The following PSAP variants were observed in gnomAD, a reference collection of about 807,000 sequenced individuals.
The protein encoded by PSAP is prosaposin.
A neutral mutation model predicts 66.0 loss-of-function variants in PSAP; 25 were observed. The ratio of observed to expected loss-of-function variants is 0.38; its 90% CI spans 0.28 to 0.53. The LOEUF is 0.53. PSAP is among the 20% of genes least tolerant of loss of function. PSAP has a pLI of 0.83. For synonymous variants in PSAP, 273 were observed against 258.9 expected (o/e 1.05, Z -0.52); for missense variants, 649 against 668.8 (o/e 0.97, Z 0.33).
chr10:71,837,468 G>C (rs1342492929), intron 1 of PSAP, among the ~76,000 whole-genome samples: 1 of 152,182 alleles, frequency 6.6e-6, no homozygotes, highest in Non-Finnish European at 1.5e-5. Context: ...ATTTCTCCTA[G>C]CACTTGAGGA....
chr10:71,819,432 T>C, intron 11 of PSAP, 33 bp downstream of exon 11: 2 of 1,612,976 alleles, frequency 1.2e-6, no homozygotes, highest in South Asian at 1.1e-5. Context: ...GGTTCTGCCA[T>C]GCTGGCCTAC....
intron 10 of PSAP, 33 bp from the exon 11 acceptor site, chr10:71,819,655 A>AG: frequency 6.2e-7 from 1 of 1,614,092 alleles, no homozygotes; most frequent in East Asian, 2.2e-5. Context: ...CAACGCTGGC[A>AG]GGGCCCTCCC....
Position 71,819,570 on chromosome 10 carries a change from C to A in PSAP, c.1245G>T (p.Leu415=). ...DGGFCEVCKK[L]VGYLDRNLEK... Reference sequence around the variant, plus strand: ...CCAGGTTGCGATCCAAATAACCCACCAGCTTCTTGCACACTTCGCAGAAGC... The same window carrying A: ...CCAGGTTGCGATCCAAATAACCCACAAGCTTCTTGCACACTTCGCAGAAGC... Residue 415 remains leucine, a synonymous_variant, in exon 11 of 14, where the codon CTG becomes CTT. Coordinates refer to ENST00000394936, the MANE Select transcript of PSAP (RefSeq NM_002778.4). The A allele has an allele frequency of 6.2e-7, 1 of 1,614,240 alleles. No homozygotes were observed. The highest frequency in any genetic ancestry group is 1.7e-5 in the Admixed American group (1 of 60,028).
At chr10:71,847,590 TCA>T (rs1842845012) in intron 1 of PSAP, among the ~76,000 whole-genome samples, 1 of 151,238 alleles carries the variant, frequency 6.6e-6, no homozygotes, top group South Asian at 2.1e-4. Context: ...TGCCTCTCTC[TCA>T]CAAGAGAGAG....
chr10:71,831,063 G>T (rs1275335456), intron 4 of PSAP, 63 bp downstream of exon 4: 11 of 1,606,318 alleles, frequency 6.8e-6, no homozygotes, highest in Non-Finnish European at 8.5e-6. Flanking sequence ...ATCTACTCTG[G>T]GCCACTGCCT....
chr10:71,820,976 T>C (rs767500925), intron 8 of PSAP, among the ~76,000 whole-genome samples: 45 of 152,260 alleles, frequency 3.0e-4, no homozygotes, highest in African/African-American at 8.0e-4. Context: ...TTTTGCTCCA[T>C]GGTATTTCAT....
At chr10:71,825,190 G>T (rs922434447) in intron 7 of PSAP, among the ~76,000 whole-genome samples, 1 of 152,220 alleles carries the variant, frequency 6.6e-6, no homozygotes, top group Non-Finnish European at 1.5e-5. Flanking sequence ...ATCTCAAGTA[G>T]TCAGAAAGCA....
chr10:71,845,153 G>C (rs528528280), intron 1 of PSAP, among the ~76,000 whole-genome samples: 6 of 152,176 alleles, frequency 3.9e-5, no homozygotes, highest in African/African-American at 1.4e-4. Context: ...GGCAACCCCT[G>C]AGGGTCTTGG....
At position 71,819,829 on chromosome 10, in the gene PSAP, C is replaced by T. The variant is rs2133031778; in HGVS notation, c.1077G>A (p.Glu359=). 7.4e-6 allele frequency: 12 copies of T among 1,614,118 alleles called. No homozygotes were observed. The highest frequency in any genetic ancestry group is 1.0e-5 in the Non-Finnish European group (12 of 1,180,008). Residue 359 remains glutamate (E), a synonymous_variant, in exon 10 of 14, where the codon GAG becomes GAA. Coordinates refer to ENST00000394936, the MANE Select transcript of PSAP (RefSeq NM_002778.4). ...LPKSLSEECQ[E]VVDTYGSSIL... The stretch of plus-strand genomic sequence containing the variant: ...TGGAGCTGCCGTACGTGTCCACCAC[C>T]TCCTGGCACTCTTCCGACAGGGACT...
intron 2 of PSAP, 94 bp downstream of exon 2, chr10:71,834,276 GAA>G: frequency 6.3e-7 from 1 of 1,588,838 alleles, no homozygotes; most frequent in East Asian, 2.2e-5. Flanking sequence ...AACAAGGCAA[GAA>G]AAAGTGCTCT....
At chr10:71,824,035 G>A (rs1842353562) in intron 7 of PSAP, 2 of 588,228 alleles carry the variant, frequency 3.4e-6, no homozygotes, top group African/African-American at 1.9e-5. Flanking sequence ...AAATGCTCTT[G>A]CAATCAGATC....
Position 71,816,576 on chromosome 10 carries a change from C to A in PSAP, c.*865G>T, listed in dbSNP as rs916904421. 2 of 433,478 alleles carry A rather than the reference C, an allele frequency of 4.6e-6. No individual in the cohort carries two copies. The highest frequency in any genetic ancestry group is 3.2e-5 in the South Asian group (2 of 62,056). 26.9% of individuals were successfully genotyped at this position (433,478 alleles called of 1,614,324 possible). A position where few individuals can be genotyped will look rare whatever the true frequency, so the allele number is the denominator to read the frequency against. On this transcript the variant is annotated 3_prime_UTR_variant, in exon 14 of 14. Transcript: ENST00000394936. Reference sequence around the variant, plus strand: ...GCCATCCATATTTATTTGAAAAGGTCAAAAGGAGCATCTATGAGACAAGGG... The same window carrying A: ...GCCATCCATATTTATTTGAAAAGGTAAAAAGGAGCATCTATGAGACAAGGG...
At chr10:71,851,061 C>A (rs780798524) in intron 1 of PSAP, 121 bp downstream of exon 1, 1 of 1,189,318 alleles carries the variant, frequency 8.4e-7, no homozygotes. Context: ...CTGCGCAGTG[C>A]GCGCGCCCCC....
At chr10:71,845,463 A>C (rs1030462393) in intron 1 of PSAP, among the ~76,000 whole-genome samples, 4 of 152,192 alleles carry the variant, frequency 2.6e-5, no homozygotes, top group African/African-American at 9.7e-5. Context: ...CAGTCAGTAG[A>C]ATATACTACT....
At chr10:71,818,940 C>T in intron 12 of PSAP, 91 bp downstream of exon 12, 1 of 1,262,786 alleles carries the variant, frequency 7.9e-7, no homozygotes, top group Non-Finnish European at 1.1e-6. Flanking sequence ...GACTCCACCC[C>T]ACGGCCAAGT....
At chr10:71,831,781 A>G in intron 3 of PSAP, 65 bp downstream of exon 3, 1 of 1,487,450 alleles carries the variant, frequency 6.7e-7, no homozygotes, top group Non-Finnish European at 9.4e-7. Flanking sequence ...CCGGAATCAC[A>G]GCTCTCTTAG....
At chr10:71,821,484 G>C (rs1209456515) in intron 8 of PSAP, among the ~76,000 whole-genome samples, 1 of 152,214 alleles carries the variant, frequency 6.6e-6, no homozygotes, top group Non-Finnish European at 1.5e-5. Context: ...GGCCCAGTGA[G>C]GCTTCCGTAC....
intron 1 of PSAP, among the ~76,000 whole-genome samples, chr10:71,848,662 A>T (rs1050723758): frequency 1.3e-5 from 2 of 152,216 alleles, no homozygotes; most frequent in Admixed American, 6.5e-5. Context: ...CTGTACTACG[A>T]CAGTGTCACG....
chr10:71,832,386 C>T (rs1354052383), intron 2 of PSAP, among the ~76,000 whole-genome samples: 3 of 152,210 alleles, frequency 2.0e-5, no homozygotes, highest in Admixed American at 6.5e-5. Context: ...CACACCAAAG[C>T]CAATCTTCTG....
Sources: gnomAD v4.1 joint callset for allele counts (sites outside exome capture counted in the v4.1 genomes callset) on GRCh38, gnomAD v4.1.1 for gene constraint, MANE v1.5 for transcripts, NCBI Gene and HGNC (gene_info 2026-07-23, HGNC 2026-07-21) for gene names.